TP63: variants seen among roughly 807,000 people sequenced by gnomAD.
TP63 encodes tumor protein p63.
Under a neutral mutation model 82.8 loss-of-function variants are expected in TP63, and 17 were observed. The ratio of observed to expected loss-of-function variants is 0.21; its 90% CI spans 0.14 to 0.31. The LOEUF is 0.31. Among genes scored for constraint, TP63 ranks in the 10% least tolerant of loss-of-function variants. TP63 has a pLI of 1.00. For missense variants in TP63, 648 were observed against 895.3 expected, an observed-to-expected ratio of 0.72 and a Z score of 3.52; for synonymous variants, 330 against 321.7, an observed-to-expected ratio of 1.03 and a Z score of -0.28.
intron 1 of TP63, among the ~76,000 whole-genome samples, chr3:189,635,967 C>T (rs1460786475): frequency 6.6e-6 from 1 of 152,102 alleles, no homozygotes; most frequent in Non-Finnish European, 1.5e-5. Flanking sequence ...TTAGCCATCT[C>T]CGTAATCACT....
chr3:189,796,099 G>A (rs1725671532), intron 3 of TP63, among the ~76,000 whole-genome samples: 1 of 151,994 alleles, frequency 6.6e-6, no homozygotes, highest in South Asian at 2.1e-4. Flanking sequence ...TAGTAATCCT[G>A]AAGCTGAATA....
chr3:189,652,403 C>T (rs1712972789), intron 1 of TP63, among the ~76,000 whole-genome samples: 1 of 146,956 alleles, frequency 6.8e-6, no homozygotes, highest in Non-Finnish European at 1.5e-5. Flanking sequence ...ATTGTTTTGG[C>T]CAATTTCTCC....
At chr3:189,844,129 G>T in intron 4 of TP63, 1 of 331,472 alleles carries the variant, frequency 3.0e-6, no homozygotes, top group Non-Finnish European at 6.1e-6. Flanking sequence ...TGTTTATTAG[G>T]ATGGATATAT....
chr3:189,784,376 G>C (rs1724443299), intron 3 of TP63, among the ~76,000 whole-genome samples: 2 of 152,038 alleles, frequency 1.3e-5, no homozygotes, highest in African/African-American at 2.4e-5. Context: ...TAAATATTAA[G>C]ATGTAATTAA....
chr3:189,726,229 A>T (rs1719771578), intron 1 of TP63, among the ~76,000 whole-genome samples: 1 of 152,178 alleles, frequency 6.6e-6, no homozygotes, highest in Non-Finnish European at 1.5e-5. Flanking sequence ...ATCACTGAGT[A>T]GCGGCAGTCC....
intron 1 of TP63, among the ~76,000 whole-genome samples, chr3:189,674,684 C>T (rs1715232973): frequency 6.6e-6 from 1 of 152,216 alleles, no homozygotes; most frequent in Admixed American, 6.5e-5. Flanking sequence ...GTGTACCAGG[C>T]TGAGTAGATT....
chr3:189,675,830 A>C (rs1259668592), intron 1 of TP63, among the ~76,000 whole-genome samples: 1 of 152,150 alleles, frequency 6.6e-6, no homozygotes, highest in Non-Finnish European at 1.5e-5. Flanking sequence ...AAGAGGCTAC[A>C]GACAGAGGCT....
At chr3:189,820,534 CTT>C (rs34491739) in intron 4 of TP63, among the ~76,000 whole-genome samples, 11,368 of 152,088 alleles carry the variant, frequency 0.075, 532 homozygotes, top group Non-Finnish European at 0.1. Context: ...ATCTTAGACA[CTT>C]TGAGTTTAGG....
At chr3:189,682,599 A>T (rs1220096674) in intron 1 of TP63, among the ~76,000 whole-genome samples, 2 of 143,966 alleles carry the variant, frequency 1.4e-5, no homozygotes, top group African/African-American at 2.6e-5. Flanking sequence ...TATATATCCT[A>T]TTCACAAGGT....
rs73889827 is a variant in TP63, at chr3:189,808,004, A to G, written c.325-268A>G. On this transcript the variant is annotated intron_variant, in intron 3 of 13. Transcript: ENST00000264731. ...TTGCCTAGTTTGTGAATAAGCATAT[A>G]CTCTACTTTCAAATGCTCTGTAGGA... is the stretch of plus-strand genomic sequence containing the variant. Among the ~76,000 whole-genome samples the G allele has an allele frequency of 0.012, 1,901 of 152,110 alleles. 40 individuals are homozygous for G. The highest frequency in any genetic ancestry group is 0.042 in the African/African-American group (1,752 of 41,480).
At chr3:189,654,837 A>T (rs1713196702) in intron 1 of TP63, among the ~76,000 whole-genome samples, 1 of 152,206 alleles carries the variant, frequency 6.6e-6, no homozygotes, top group South Asian at 2.1e-4. Flanking sequence ...TTTATTTTCC[A>T]TTGTAACATG....
In TP63 at chr3:189,808,391, C is replaced by T. The variant is rs150028891; in HGVS notation, c.444C>T (p.Pro148=). The change falls in exon 4 of 14, where the codon CCC becomes CCT. Residue 148 remains proline, a synonymous_variant. Coordinates refer to ENST00000264731, the MANE Select transcript of TP63 (RefSeq NM_003722.5). ...AGAACAGCGTCACGGCGCCCTCGCC[C>T]TACGCACAGCCCAGCTCCACCTTCG... ...HAQNSVTAPS[P]YAQPSSTFDA... is the part of the protein sequence containing the mutation. The T allele has an allele frequency of 1.2e-6, 2 of 1,614,218 alleles. No homozygotes were observed. Among genetic ancestry groups the T allele is most frequent in the Admixed American group, 1.7e-5 (1 of 60,028 alleles).
rs77820430 is a variant in TP63 at position 189,685,435 on chromosome 3, T to C, written c.63-52305T>C. On this transcript the variant is annotated intron_variant, in intron 1 of 13. Coordinates refer to ENST00000264731, the MANE Select transcript of TP63 (RefSeq NM_003722.5). ...TTACTCTTCTTTCACTTCTCCTGCC[T>C]TTATTCTTTTCACCCTAGCTTCTTT... Among the ~76,000 whole-genome samples, 247 of 152,334 alleles carry C rather than the reference T, an allele frequency of 1.6e-3. 6 individuals carry two copies. In the East Asian group the frequency reaches 0.041, roughly 25 times the overall value.
chr3:189,756,853 G>A (rs984468209), intron 3 of TP63, among the ~76,000 whole-genome samples: 4 of 152,160 alleles, frequency 2.6e-5, no homozygotes, highest in Non-Finnish European at 5.9e-5. Context: ...CAGACTGTAT[G>A]CATTAGGAAT....
At chr3:189,624,495 A>T in the TP63 span, among the ~76,000 whole-genome samples, 1 of 152,198 alleles carries the variant, frequency 6.6e-6, no homozygotes, top group Non-Finnish European at 1.5e-5. Context: ...GGTTGAACAG[A>T]ATCTTTAATA....
rs571214977 is a variant in TP63, at chr3:189,829,271, T to C, written c.579+20745T>C. Among the ~76,000 whole-genome samples the C allele has an allele frequency of 3.9e-5, 6 of 152,334 alleles. No homozygotes were observed. In the South Asian group the frequency reaches 1.2e-3, roughly 32 times the overall value. ...AAGAGGATTCAGGAAATCATTTAAA[T>C]GTTTCTTCCTGCTTTCATGCCTTGA... On this transcript the variant is annotated intron_variant, in intron 4 of 13. Coordinates refer to ENST00000264731, the MANE Select transcript of TP63 (RefSeq NM_003722.5).
At chr3:189,881,776 A>G (rs934010209) in intron 10 of TP63, among the ~76,000 whole-genome samples, 3 of 152,210 alleles carry the variant, frequency 2.0e-5, no homozygotes, top group African/African-American at 4.8e-5. Context: ...CTAGGAAGCC[A>G]GACACCATAG....
chr3:189,744,452 G>T (rs778704530), intron 3 of TP63, among the ~76,000 whole-genome samples: 1 of 152,058 alleles, frequency 6.6e-6, no homozygotes, highest in African/African-American at 2.4e-5. Context: ...GCCCAACTTG[G>T]CCCTACCCCT....
chr3:189,869,860 C>T (rs1718204842), intron 9 of TP63, among the ~76,000 whole-genome samples: 1 of 151,978 alleles, frequency 6.6e-6, no homozygotes. Context: ...GGACAGAAAC[C>T]TTCAGTCCAT....
Sources: gnomAD v4.1 joint callset for allele counts (sites outside exome capture counted in the v4.1 genomes callset) on GRCh38, gnomAD v4.1.1 for gene constraint, MANE v1.5 for transcripts, NCBI Gene and HGNC (gene_info 2026-07-23, HGNC 2026-07-21) for gene names.